Variants in MKLN1 observed in about 807,000 individuals in gnomAD.
MKLN1 encodes muskelin.
In MKLN1, 18 loss-of-function variants were observed where a neutral mutation model predicts 99.0. That is an observed-to-expected ratio of 0.18 (90% confidence interval 0.13 to 0.27). The LOEUF (loss-of-function observed/expected upper bound fraction) is 0.27. MKLN1 is among the 10% of genes least tolerant of loss of function. MKLN1 has a pLI of 1.00. For missense variants in MKLN1, 621 were observed against 875.9 expected, an observed-to-expected ratio of 0.71 and a Z score of 3.67; for synonymous variants, 288 against 293.2, an observed-to-expected ratio of 0.98 and a Z score of 0.18.
intron 3 of MKLN1, among the ~76,000 whole-genome samples, chr7:131,255,812 C>T (rs1797649288): frequency 6.6e-6 from 1 of 152,038 alleles, no homozygotes; most frequent in Non-Finnish European, 1.5e-5. Context: ...AACTCCTGAC[C>T]TCTGGTGAGC....
intron 2 of MKLN1, among the ~76,000 whole-genome samples, chr7:131,164,003 C>T (rs1796089270): frequency 6.6e-6 from 1 of 152,198 alleles, no homozygotes; most frequent in Non-Finnish European, 1.5e-5. Context: ...GCAAATTAAG[C>T]TTTGCCACAG....
chr7:131,470,697 AT>A, intron 15 of MKLN1, 144 bp from the exon 16 acceptor site: 1 of 627,184 alleles, frequency 1.6e-6, no homozygotes, highest in South Asian at 1.8e-5. Flanking sequence ...AGTATTGTTA[AT>A]TCTGGATTCC....
intron 3 of MKLN1, 46 bp from the exon 4 acceptor site, chr7:131,388,838 A>G: frequency 7.8e-7 from 1 of 1,283,640 alleles, no homozygotes; most frequent in Non-Finnish European, 1.1e-6. Context: ...TAGTGCATTT[A>G]CTAAATTATG....
intron 8 of MKLN1, among the ~76,000 whole-genome samples, chr7:131,422,755 A>G (rs1795244057): frequency 6.7e-6 from 1 of 149,636 alleles, no homozygotes; most frequent in East Asian, 2.0e-4. Context: ...TTTTTCCCAT[A>G]TTGCTGTCTT....
chr7:131,224,377 C>T (rs905262291), intron 3 of MKLN1, among the ~76,000 whole-genome samples: 4 of 132,188 alleles, frequency 3.0e-5, no homozygotes, highest in Non-Finnish European at 5.1e-5. Context: ...GAAACCCCAT[C>T]TCTACTAAAA....
intron 3 of MKLN1, among the ~76,000 whole-genome samples, chr7:131,317,607 A>G (rs912104729): frequency 1.3e-5 from 2 of 150,340 alleles, no homozygotes; most frequent in Non-Finnish European, 3.0e-5. Context: ...ATATAATAAT[A>G]TTAACATTAA....
chr7:131,260,826 A>G (rs1366123958), intron 3 of MKLN1, among the ~76,000 whole-genome samples: 2 of 152,206 alleles, frequency 1.3e-5, no homozygotes, highest in African/African-American at 2.4e-5. Context: ...CAGAATAGAT[A>G]GCCTAGAAAG....
At position 131,399,354 on chromosome 7, in the gene MKLN1, G is replaced by C. The variant is rs935787719; in HGVS notation, c.624G>C (p.Met208Ile). 5.4e-5 allele frequency: 87 copies of C among 1,613,814 alleles called. No individual in the cohort carries two copies. Among genetic ancestry groups the C allele is most frequent in the Non-Finnish European group, 7.4e-5 (87 of 1,179,912 alleles). The stretch of plus-strand genomic sequence containing the variant: ...CCAAGATTGCACTGGAACATCCCAT[G>C]TTAACAGATATTCATGACAAGCTGG... ...KKTKIALEHP[M>I]LTDIHDKLVL... Residue 208 changes from methionine to isoleucine, a missense_variant, in exon 6 of 18, where the codon ATG becomes ATC. By Grantham distance (10) the Met-to-Ile change is conservative. Around this residue, in one of 8 missense-constraint regions of MKLN1, gnomAD observed 361 missense variants for 540.8 expected, o/e 0.67. Transcript: ENST00000352689.
intron 10 of MKLN1, among the ~76,000 whole-genome samples, chr7:131,438,634 T>C (rs965080953): frequency 5.3e-5 from 8 of 151,878 alleles, no homozygotes; most frequent in African/African-American, 1.9e-4. Context: ...TGAATACTTA[T>C]TCCATACAAA....
chr7:131,291,190 G>A (rs1240174072), intron 3 of MKLN1, among the ~76,000 whole-genome samples: 1 of 150,698 alleles, frequency 6.6e-6, no homozygotes. Flanking sequence ...GAGTTCAGTG[G>A]CGTGATCTTG....
At chr7:131,323,499 T>C (rs1798825400), upstream of MKLN1, 1 of 152,234 alleles carries the variant, frequency 6.6e-6, no homozygotes, top group African/African-American at 2.4e-5. Context: ...TAAATTACTT[T>C]AGGTATATCA....
intron 16 of MKLN1, among the ~76,000 whole-genome samples, chr7:131,473,551 A>G (rs1796886922): frequency 6.6e-6 from 1 of 152,222 alleles, no homozygotes; most frequent in African/African-American, 2.4e-5. Context: ...TAGAAAAGCC[A>G]TGAGAAAAGG....
intron 2 of MKLN1, among the ~76,000 whole-genome samples, chr7:131,194,295 C>T (rs549042168): frequency 6.6e-5 from 10 of 152,272 alleles, no homozygotes; most frequent in South Asian, 2.1e-4. Context: ...CAACTTCCCC[C>T]GGCAGCCCCT....
At chr7:131,287,588 A>G (rs77631089) in intron 3 of MKLN1, among the ~76,000 whole-genome samples, 5,217 of 152,178 alleles carry the variant, frequency 0.034, 123 homozygotes, top group South Asian at 0.089. Flanking sequence ...CCTGAACTTA[A>G]TCACATATTT....
intron 1 of MKLN1, among the ~76,000 whole-genome samples, chr7:131,346,154 A>G (rs76869550): frequency 0.014 from 2,096 of 152,336 alleles, 22 homozygotes; most frequent in South Asian, 0.024. Context: ...GAGGCTGTTC[A>G]CTTAAAAAAT....
intron 2 of MKLN1, among the ~76,000 whole-genome samples, chr7:131,169,419 T>A (rs1423664816): frequency 6.6e-6 from 1 of 152,228 alleles, no homozygotes. Flanking sequence ...AGTGTCTCGA[T>A]AACTATTTGA....
chr7:131,232,180 T>C (rs1279151226), intron 3 of MKLN1, among the ~76,000 whole-genome samples: 1 of 152,274 alleles, frequency 6.6e-6, no homozygotes, highest in Non-Finnish European at 1.5e-5. Context: ...AATTGACTTA[T>C]TGAAGAACAT....
chr7:131,452,287 G>GA (rs1378409065), intron 12 of MKLN1, among the ~76,000 whole-genome samples: 5 of 152,078 alleles, frequency 3.3e-5, no homozygotes, highest in African/African-American at 1.2e-4. Flanking sequence ...TTGATCATAA[G>GA]ACCTCATCTA....
chr7:131,190,256 C>G (rs1421917311), intron 2 of MKLN1, among the ~76,000 whole-genome samples: 1 of 152,100 alleles, frequency 6.6e-6, no homozygotes, highest in African/African-American at 2.4e-5. Context: ...GTCACCTCTC[C>G]TGCCCCTCCC....
Sources: gnomAD v4.1 joint callset for allele counts (sites outside exome capture counted in the v4.1 genomes callset) on GRCh38, gnomAD v4.1.1 for gene constraint, gnomAD v4.1.1 regional missense constraint, MANE v1.5 for transcripts, NCBI Gene and HGNC (gene_info 2026-07-23, HGNC 2026-07-21) for gene names.